Variants in RBFOX1 observed in about 807,000 individuals in gnomAD.
RBFOX1 encodes RNA binding fox-1 homolog 1, also known as RNA binding protein fox-1 homolog 1.
In RBFOX1, 8 loss-of-function variants were observed where a neutral mutation model predicts 57.7. The ratio of observed to expected loss-of-function variants is 0.14; its 90% confidence interval spans 0.08 to 0.25. The LOEUF (loss-of-function observed/expected upper bound fraction) is 0.25, where lower values mean the gene tolerates loss of function less well. Among genes scored for constraint, RBFOX1 ranks in the 10% least tolerant of loss-of-function variants. The pLI, the probability that RBFOX1 is intolerant of heterozygous loss-of-function variation, is 1.00. For missense variants in RBFOX1, 611 were observed against 548.5 expected (o/e 1.11, Z -1.14); for synonymous variants, 326 against 222.4 (o/e 1.47, Z -4.15).
chr16:6,131,368 T>C (rs1314073847), intron 1 of RBFOX1, among the ~76,000 whole-genome samples: 1 of 152,216 alleles, frequency 6.6e-6, no homozygotes, highest in East Asian at 1.9e-4. Flanking sequence ...GCTTTTGCAC[T>C]AAGGTAACAG....
At position 5,438,466 on chromosome 16, in the gene RBFOX1, T is replaced by A. The variant is rs2151531965; in HGVS notation, c.220-28750T>A. On this transcript the variant is annotated intron_variant, in intron 1 of 2. Coordinates refer to the RBFOX1 transcript ENST00000585867. The stretch of plus-strand genomic sequence containing the variant: ...TAACACTTCAAGTGCTGTCTTGACA[T>A]CTTTGAGCCTGAAAGGGCCCAGCAT... Among the ~76,000 whole-genome samples, 3 of 152,272 alleles carry A rather than the reference T, an allele frequency of 2.0e-5. No homozygotes were observed. The Middle Eastern group carries it at 0.01, about 518-fold the overall frequency.
At chr16:5,397,615 C>CA (rs1189681125) in intron 1 of RBFOX1, among the ~76,000 whole-genome samples, 1 of 152,116 alleles carries the variant, frequency 6.6e-6, no homozygotes, top group East Asian at 1.9e-4. Flanking sequence ...TCAATTTCTT[C>CA]AATAGATGAA....
chr16:5,864,737 C>A (rs1263755912), intron 3 of RBFOX1, among the ~76,000 whole-genome samples: 1 of 152,094 alleles, frequency 6.6e-6, no homozygotes, highest in African/African-American at 2.4e-5. Context: ...AGTCCAACAG[C>A]CACATTCAGA....
intron 1 of RBFOX1, among the ~76,000 whole-genome samples, chr16:6,132,256 C>T (rs2096635008): frequency 6.6e-6 from 1 of 152,156 alleles, no homozygotes; most frequent in Non-Finnish European, 1.5e-5. Context: ...TGGCTCTTCT[C>T]TATTTCCAGC....
intron 3 of RBFOX1, among the ~76,000 whole-genome samples, chr16:7,005,436 G>C (rs2093211880): frequency 6.6e-6 from 1 of 152,194 alleles, no homozygotes; most frequent in African/African-American, 2.4e-5. Flanking sequence ...AAAGAGAAAA[G>C]TTTCTGGGTT....
intron 4 of RBFOX1, chr16:7,333,187 G>GA: frequency 8.8e-7 from 1 of 1,141,720 alleles, no homozygotes; most frequent in East Asian, 2.4e-5. Flanking sequence ...TTTAATACAG[G>GA]AAAAAGCCCT....
At chr16:6,516,720 A>G (rs1277407924) in intron 2 of RBFOX1, among the ~76,000 whole-genome samples, 2 of 152,198 alleles carry the variant, frequency 1.3e-5, no homozygotes, top group Non-Finnish European at 2.9e-5. Flanking sequence ...TAAAATGAAA[A>G]AATGTTGTTT....
intron 2 of RBFOX1, among the ~76,000 whole-genome samples, chr16:5,572,608 T>C (rs1399126423): frequency 3.3e-5 from 5 of 152,180 alleles, no homozygotes; most frequent in African/African-American, 9.7e-5. Flanking sequence ...TGAGAACCCC[T>C]GATCTGTGCA....
chr16:5,845,576 C>T (rs928601273), intron 3 of RBFOX1, among the ~76,000 whole-genome samples: 3 of 152,150 alleles, frequency 2.0e-5, no homozygotes, highest in East Asian at 1.9e-4. Flanking sequence ...GGCAGGTGGC[C>T]GAGCTTCTTC....
chr16:7,063,724 A>C (rs1456232216), intron 4 of RBFOX1, among the ~76,000 whole-genome samples: 2 of 152,198 alleles, frequency 1.3e-5, no homozygotes, highest in East Asian at 3.9e-4. Flanking sequence ...CCCAACACAC[A>C]CCTGGGTCTG....
At chr16:7,432,806 C>A (rs1010214915) in intron 4 of RBFOX1, among the ~76,000 whole-genome samples, 6 of 152,328 alleles carry the variant, frequency 3.9e-5, no homozygotes, top group Admixed American at 2.6e-4. Context: ...ATTCCTGGAA[C>A]TATGGCTCCT....
chr16:5,459,616 A>G (rs1272909213), intron 1 of RBFOX1, among the ~76,000 whole-genome samples: 4 of 151,934 alleles, frequency 2.6e-5, no homozygotes, highest in Admixed American at 6.6e-5. Flanking sequence ...TCCCCCACAA[A>G]TCTTTTTCAG....
chr16:7,415,508 G>C (rs996291246), intron 4 of RBFOX1, among the ~76,000 whole-genome samples: 1 of 152,220 alleles, frequency 6.6e-6, no homozygotes, highest in African/African-American at 2.4e-5. Context: ...TGTGGAATAA[G>C]CACAGGCCCT....
At chr16:5,861,882 A>G (rs1382815969) in intron 3 of RBFOX1, among the ~76,000 whole-genome samples, 1 of 152,272 alleles carries the variant, frequency 6.6e-6, no homozygotes, top group South Asian at 2.1e-4. Flanking sequence ...AGAAAAGACC[A>G]TGCATTCTCC....
intron 11 of RBFOX1, among the ~76,000 whole-genome samples, chr16:7,644,682 A>G (rs1333599941): frequency 6.6e-6 from 1 of 152,242 alleles, no homozygotes; most frequent in African/African-American, 2.4e-5. Flanking sequence ...TTGGAGACAC[A>G]GTAGGGACCA....
chr16:6,455,522 C>T (rs1308567954), intron 2 of RBFOX1, among the ~76,000 whole-genome samples: 1 of 152,150 alleles, frequency 6.6e-6, no homozygotes, highest in Non-Finnish European at 1.5e-5. Context: ...TCTATGAATG[C>T]ACTTATTAAT....
intron 2 of RBFOX1, among the ~76,000 whole-genome samples, chr16:5,498,099 G>T (rs898457529): frequency 6.6e-6 from 1 of 151,884 alleles, no homozygotes; most frequent in South Asian, 2.1e-4. Context: ...GACCCTGGAG[G>T]TCACTGAAGG....
At chr16:5,778,604 C>CT (rs1420623766) in intron 3 of RBFOX1, among the ~76,000 whole-genome samples, 5 of 152,196 alleles carry the variant, frequency 3.3e-5, no homozygotes, top group Non-Finnish European at 5.9e-5. Context: ...GTGTCTGCCT[C>CT]TCCCCTGTAC....
At position 6,654,661 on chromosome 16, in the gene RBFOX1, A is replaced by G. The variant is rs947032751; in HGVS notation, c.-16+11A>G. The G allele has an allele frequency of 1.3e-6, 2 of 1,503,204 alleles. No individual in the cohort carries two copies. Among genetic ancestry groups the G allele is most frequent in the Non-Finnish European group, 1.8e-6 (2 of 1,134,804 alleles). 93.1% of individuals were successfully genotyped at this position (1,503,204 alleles called of 1,614,324 possible). A position where few individuals can be genotyped will look rare whatever the true frequency, so the allele number is the denominator to read the frequency against. ...ATAGAAGACAGAAAGGTGAGTCAAT[A>G]TTTTTCATTTTTAGGGTTGCAAACA... On this transcript the variant is annotated intron_variant, in intron 3 of 15. Transcript: ENST00000550418.
Sources: allele counts gnomAD v4.1 joint callset (sites outside exome capture counted in the v4.1 genomes callset), GRCh38; gene constraint gnomAD v4.1.1; transcripts MANE v1.5; gene names NCBI Gene and HGNC (gene_info 2026-07-23, HGNC 2026-07-21).